Variants in CETN3 observed in about 807,000 individuals in gnomAD.
CETN3 encodes the protein centrin-3.
A neutral mutation model predicts 20.1 loss-of-function variants in CETN3; 17 were observed. That is an observed-to-expected ratio of 0.85 (90% CI 0.58 to 1.27). CETN3 has a LOEUF of 1.27. Ranked by LOEUF, CETN3 falls within the 50% of genes most tolerant of loss-of-function variation. The pLI is 0.00. For missense variants in CETN3, 169 were observed against 191.2 expected (o/e 0.88, Z 0.69); for synonymous variants, 52 against 59.7 (o/e 0.87, Z 0.59).
Position 90,393,275 on chromosome 5 carries a change from T to A in CETN3, c.*789A>T, listed in dbSNP as rs1749059947. Reference sequence around the variant, plus strand: ...CTATTTTCATCACTGTGACATGTAATTGAGTGATAATTACCTTAACAAATC... The same window carrying A: ...CTATTTTCATCACTGTGACATGTAAATGAGTGATAATTACCTTAACAAATC... On this transcript the variant is annotated 3_prime_UTR_variant, in exon 5 of 5. Coordinates refer to ENST00000283122, the MANE Select transcript of CETN3 (RefSeq NM_004365.4). 6.6e-6 allele frequency: 1 copy of A among 152,200 alleles called. No homozygotes were observed. The highest frequency in any genetic ancestry group is 2.1e-4 in the South Asian group (1 of 4,836). The allele number at this position is 152,200 out of a possible 1,614,324, so 9.4% of individuals were successfully genotyped here. A position where few individuals can be genotyped will look rare whatever the true frequency, so the allele number is the denominator to read the frequency against.
At chr5:90,397,470 G>C (rs1255131723) in intron 4 of CETN3, among the ~76,000 whole-genome samples, 1 of 151,932 alleles carries the variant, frequency 6.6e-6, no homozygotes, top group Admixed American at 6.6e-5. Context: ...CCATTTCATA[G>C]AGCAAATCTT....
chr5:90,405,713 T>C lies in CETN3; in HGVS notation c.240A>G (p.Lys80=). 1.2e-6 allele frequency: 2 copies of C among 1,611,230 alleles called. No individual in the cohort carries two copies. Among genetic ancestry groups the C allele is most frequent in the Non-Finnish European group, 1.7e-6 (2 of 1,177,600 alleles). The change falls in exon 3 of 5, where the codon AAA becomes AAG. Residue 80 remains lysine, a synonymous_variant. Coordinates refer to ENST00000283122, the MANE Select transcript of CETN3 (RefSeq NM_004365.4). ...LKDYDREATG[K]ITFEDFNEVV... The stretch of plus-strand genomic sequence containing the variant: ...CTTCATTAAAATCTTCAAAGGTGAT[T>C]TTCCCTGTGGCTTCTCTGTCATAAT...
chr5:90,400,892 C>A (rs1356833481), intron 3 of CETN3, among the ~76,000 whole-genome samples: 3 of 152,138 alleles, frequency 2.0e-5, no homozygotes, highest in Admixed American at 2.0e-4. Context: ...GCTGGCATAT[C>A]TACAGCCATA....
chr5:90,392,438 G>A lies in CETN3; in HGVS notation c.*1626C>T, dbSNP rs1749042006. 2 of 152,164 alleles carry A rather than the reference G, an allele frequency of 1.3e-5. No homozygotes were observed. The highest frequency in any genetic ancestry group is 4.1e-4 in the South Asian group (2 of 4,834). The allele number at this position is 152,164 out of a possible 1,614,324, so 9.4% of individuals were successfully genotyped here. ...AATTAAGTTTTACTCTAGTTAACCT[G>A]CTGATATAGTTTGTATATCTGTCCC... On this transcript the variant is annotated 3_prime_UTR_variant, in exon 5 of 5. Coordinates refer to ENST00000283122, the MANE Select transcript of CETN3 (RefSeq NM_004365.4).
rs915206829 is a variant in CETN3, at chr5:90,393,971, G to T, written c.*93C>A. On this transcript the variant is annotated 3_prime_UTR_variant, in exon 5 of 5. Transcript: ENST00000283122. ...TTATTTTTGGTCCTTTAGGATAAAA[G>T]AACTAAGTTGGTTTTTTTCACATGG... The T allele has an allele frequency of 4.8e-6, 4 of 834,428 alleles. No individual in the cohort carries two copies. The highest frequency in any genetic ancestry group is 5.1e-5 in the East Asian group (2 of 39,096). 51.7% of individuals were successfully genotyped at this position (834,428 alleles called of 1,614,324 possible).
intron 3 of CETN3, among the ~76,000 whole-genome samples, chr5:90,401,616 C>T (rs1302103248): frequency 6.6e-6 from 1 of 152,080 alleles, no homozygotes; most frequent in African/African-American, 2.4e-5. Flanking sequence ...AGAAATACAG[C>T]TTTAACTGTA....
chr5:90,394,403 CAT>C (rs1325963672), intron 4 of CETN3, among the ~76,000 whole-genome samples: 1 of 151,972 alleles, frequency 6.6e-6, no homozygotes, highest in African/African-American at 2.4e-5. Flanking sequence ...CATATTTGTA[CAT>C]ACTTGCTAAA....
chr5:90,405,576 G>A, intron 3 of CETN3, 109 bp downstream of exon 3: 1 of 718,310 alleles, frequency 1.4e-6, no homozygotes. Flanking sequence ...TTATACACCA[G>A]TGTTCTATAA....
Position 90,392,909 on chromosome 5 carries a change from G to A in CETN3, c.*1155C>T, listed in dbSNP as rs999604179. On this transcript the variant is annotated 3_prime_UTR_variant, in exon 5 of 5. Transcript: ENST00000283122. ...ACCCTTAATGTAATACTCTTAAAAGGCTCACAACATTTAAAGCGCCTCAAA... is the reference window on the plus strand; with the variant it reads ...ACCCTTAATGTAATACTCTTAAAAGACTCACAACATTTAAAGCGCCTCAAA... 3 of 151,904 alleles carry A rather than the reference G, an allele frequency of 2.0e-5. No individual in the cohort carries two copies. Among genetic ancestry groups the A allele is most frequent in the Non-Finnish European group, 4.4e-5 (3 of 67,986 alleles). The allele number at this position is 151,904 out of a possible 1,614,324, so 9.4% of individuals were successfully genotyped here. A position where few individuals can be genotyped will look rare whatever the true frequency, so the allele number is the denominator to read the frequency against.
chr5:90,405,448 T>G (rs960735679), intron 3 of CETN3: 4 of 488,034 alleles, frequency 8.2e-6, no homozygotes, highest in Non-Finnish European at 1.1e-5. Context: ...AGCTACACAA[T>G]AGTTCCTTGG....
At chr5:90,395,803 A>G (rs1279195231) in intron 4 of CETN3, 6 of 815,122 alleles carry the variant, frequency 7.4e-6, no homozygotes, top group Non-Finnish European at 7.4e-6. Flanking sequence ...GAATATTCAT[A>G]ATGAACAGTT....
At chr5:90,396,540 G>T in intron 4 of CETN3, 2 of 1,533,462 alleles carry the variant, frequency 1.3e-6, no homozygotes, top group Non-Finnish European at 8.7e-7. Context: ...AGACCAAATA[G>T]GAAGCAAGAG....
In CETN3 at chr5:90,394,070, G is replaced by A. The variant is rs1408007460; in HGVS notation, c.498C>T (p.Asp166=). Residue 166 remains aspartate (D), a synonymous_variant, in exon 5 of 5, where the codon GAC becomes GAT. Coordinates refer to ENST00000283122, the MANE Select transcript of CETN3 (RefSeq NM_004365.4). The stretch of plus-strand genomic sequence containing the variant: ...TGTTTATCCTTGTAATTCTTTAAAT[G>A]TCACCAGTCATAATAGCAATGAACT... ...QEEFIAIMTG[D]I is the part of the protein sequence containing the mutation. 2 of 1,542,898 alleles carry A rather than the reference G, an allele frequency of 1.3e-6. No individual in the cohort carries two copies. Among genetic ancestry groups the A allele is most frequent in the African/African-American group, 1.4e-5 (1 of 73,102 alleles).
intron 3 of CETN3, among the ~76,000 whole-genome samples, chr5:90,403,615 T>A (rs1445413434): frequency 1.3e-5 from 2 of 152,140 alleles, no homozygotes; most frequent in East Asian, 3.9e-4. Context: ...CTCACGCCTG[T>A]AATCCCAGCA....
At chr5:90,396,509 C>T (rs1356056034) in intron 4 of CETN3, 1 of 1,533,284 alleles carries the variant, frequency 6.5e-7, no homozygotes, top group Non-Finnish European at 8.7e-7. Context: ...TGAAGAACTC[C>T]CGATTTAGAC....
Position 90,393,893 on chromosome 5 carries a change from C to T in CETN3, c.*171G>A. On this transcript the variant is annotated 3_prime_UTR_variant, in exon 5 of 5. Transcript: ENST00000283122. ...AGCTAAACTATCTGAGTACTAACAA[C>T]ACAGTTCATACAAAGAAACTTAACA... is the stretch of plus-strand genomic sequence containing the variant. 2 of 531,814 alleles carry T rather than the reference C, an allele frequency of 3.8e-6. No individual in the cohort carries two copies. Among genetic ancestry groups the T allele is most frequent in the East Asian group, 6.7e-5 (2 of 30,040 alleles). 32.9% of individuals were successfully genotyped at this position (531,814 alleles called of 1,614,324 possible). A position where few individuals can be genotyped will look rare whatever the true frequency, so the allele number is the denominator to read the frequency against.
Position 90,399,308 on chromosome 5 carries a change from C to T in CETN3, c.460+50G>A, listed in dbSNP as rs769427370. ...CATTTGGTTTTAGAAAAATGTATTA[C>T]ATGTGTAGCATCAGGAAAACCTGGA... On this transcript the variant is annotated intron_variant, in intron 4 of 4. Coordinates refer to ENST00000283122, the MANE Select transcript of CETN3 (RefSeq NM_004365.4). 3.2e-6 allele frequency: 5 copies of T among 1,561,642 alleles called. No homozygotes were observed. In the East Asian group the frequency reaches 9.0e-5, roughly 28 times the overall value.
chr5:90,408,493 T>C (rs1749526460), intron 1 of CETN3, among the ~76,000 whole-genome samples: 1 of 152,214 alleles, frequency 6.6e-6, no homozygotes, highest in Non-Finnish European at 1.5e-5. Flanking sequence ...CAATATACAA[T>C]GTTTGTGCTT....
chr5:90,405,401 A>G (rs1159331710), intron 3 of CETN3: 1 of 412,326 alleles, frequency 2.4e-6, no homozygotes, highest in African/African-American at 2.1e-5. Flanking sequence ...CACATAATAT[A>G]AATACAAACA....
Sources: allele counts gnomAD v4.1 joint callset (sites outside exome capture counted in the v4.1 genomes callset), GRCh38; gene constraint gnomAD v4.1.1; transcripts MANE v1.5; gene names NCBI Gene and HGNC (gene_info 2026-07-23, HGNC 2026-07-21).